Variants in RMND5A observed in about 807,000 individuals in gnomAD.
RMND5A encodes the protein required for meiotic nuclear division 5 homolog A.
Under a neutral mutation model 49.7 loss-of-function variants are expected in RMND5A, and 17 were observed. The observed-to-expected ratio is 0.34, with a 90% CI of 0.23 to 0.51. RMND5A has a LOEUF of 0.51. RMND5A is among the 20% of genes least tolerant of loss of function. The probability of loss-of-function intolerance (pLI) is 0.96; values close to 1 mark genes in which losing one functional copy is unlikely to be tolerated. For missense variants in RMND5A, 255 were observed against 471.3 expected (o/e 0.54, Z 4.25); for synonymous variants, 156 against 167.7 (o/e 0.93, Z 0.54).
chr2:86,750,020 G>A (rs1477930494), intron 2 of RMND5A, among the ~76,000 whole-genome samples: 1 of 152,168 alleles, frequency 6.6e-6, no homozygotes, highest in African/African-American at 2.4e-5. Context: ...CATATTGGTT[G>A]GACTGTATAT....
intron 4 of RMND5A, among the ~76,000 whole-genome samples, chr2:86,760,124 A>C (rs1295094523): frequency 6.6e-6 from 1 of 151,770 alleles, no homozygotes; most frequent in Admixed American, 6.6e-5. Flanking sequence ...GGCTCACCAC[A>C]ACCTCTGCCT....
chr2:86,720,970 C>G (rs376068346), intron 1 of RMND5A, 161 bp downstream of exon 1: 32 of 579,182 alleles, frequency 5.5e-5, no homozygotes, highest in Non-Finnish European at 7.3e-5. Context: ...TTCCCCTCTT[C>G]GTCCGATTTA....
chr2:86,762,893 A>G (rs1263872682), intron 4 of RMND5A, among the ~76,000 whole-genome samples: 1 of 151,620 alleles, frequency 6.6e-6, no homozygotes, highest in Non-Finnish European at 1.5e-5. Flanking sequence ...AATACAAAAC[A>G]GCTGGGTGCG....
rs1398944242 is a variant in RMND5A, at chr2:86,751,929, G to A, written c.319G>A (p.Asp107Asn). 6.2e-7 allele frequency: 1 copy of A among 1,613,550 alleles called. No individual in the cohort carries two copies. Among genetic ancestry groups the A allele is most frequent in the African/African-American group, 1.3e-5 (1 of 74,890 alleles). ...FDSDISSVGI[D>N]GCWQADSQRL... ...TTCTGACATTAGCAGTGTGGGAATA[G>A]ATGGCTGCTGGCAGGCAGACAGCCA... Residue 107 changes from aspartate (D) to asparagine (N), a missense_variant, in exon 3 of 9, where the codon GAT becomes AAT. By Grantham distance (23) the Asp-to-Asn change is conservative. Coordinates refer to ENST00000283632, the MANE Select transcript of RMND5A (RefSeq NM_022780.4).
chr2:86,758,160 GCAC>G (rs1681777982), intron 4 of RMND5A, among the ~76,000 whole-genome samples: 1 of 82,976 alleles, frequency 1.2e-5, no homozygotes, highest in African/African-American at 4.2e-5. Context: ...AAATCAAAAG[GCAC>G]AACAAGATAA....
chr2:86,760,740 T>C (rs775754024), intron 4 of RMND5A, among the ~76,000 whole-genome samples: 2 of 122,566 alleles, frequency 1.6e-5, no homozygotes, highest in Admixed American at 1.7e-4. Flanking sequence ...AGAAGTGAAA[T>C]TGAATGTGAT....
At position 86,773,490 on chromosome 2, in the gene RMND5A, A is replaced by T; in HGVS notation, c.*79A>T. On this transcript the variant is annotated 3_prime_UTR_variant, in exon 9 of 9. Transcript: ENST00000283632. ...CAGAAGAGAACGTTCCATATAATGC[A>T]GCTAACCAAGGACTCCTGTGTTTCT... 2 of 915,246 alleles carry T rather than the reference A, an allele frequency of 2.2e-6. No homozygotes were observed. Among genetic ancestry groups the T allele is most frequent in the Non-Finnish European group, 1.8e-6 (1 of 556,316 alleles). The allele number at this position is 915,246 out of a possible 1,614,324, so 56.7% of individuals were successfully genotyped here.
At chr2:86,758,607 T>G (rs986021013) in intron 4 of RMND5A, among the ~76,000 whole-genome samples, 1 of 151,972 alleles carries the variant, frequency 6.6e-6, no homozygotes, top group Admixed American at 6.6e-5. Context: ...TGTAAAAGGG[T>G]GTGTGTGTGT....
intron 1 of RMND5A, among the ~76,000 whole-genome samples, chr2:86,725,763 A>G (rs1207819049): frequency 1.3e-5 from 1 of 79,120 alleles, no homozygotes; most frequent in African/African-American, 4.7e-5. Flanking sequence ...AACGCATCAG[A>G]TATGTATTTC....
intron 4 of RMND5A, among the ~76,000 whole-genome samples, chr2:86,759,117 C>T (rs188668849): frequency 6.6e-6 from 1 of 152,134 alleles, no homozygotes; most frequent in African/African-American, 2.4e-5. Context: ...GAAATAGACA[C>T]CCACCCAGGC....
chr2:86,760,658 A>G (rs1217816318), intron 4 of RMND5A, among the ~76,000 whole-genome samples: 3 of 152,202 alleles, frequency 2.0e-5, no homozygotes. Flanking sequence ...TTTAACTCCC[A>G]GGGATAAACC....
chr2:86,721,133 C>G (rs575030140), intron 1 of RMND5A: 2 of 262,812 alleles, frequency 7.6e-6, no homozygotes, highest in East Asian at 9.5e-5. Flanking sequence ...GGGCGCCCCT[C>G]GTCCCCCGCT....
In RMND5A at chr2:86,776,416, G is replaced by A. The variant is rs2104416822; in HGVS notation, c.*3005G>A. The stretch of plus-strand genomic sequence containing the variant: ...AAAATAAGAAAGCTATGAAGTAAAT[G>A]TTAACTTCTCTGTAGCAGCTAATGC... On this transcript the variant is annotated 3_prime_UTR_variant, in exon 9 of 9. Transcript: ENST00000283632. 1 of 152,300 alleles carries A rather than the reference G, an allele frequency of 6.6e-6. No individual in the cohort carries two copies. Among genetic ancestry groups the A allele is most frequent in the South Asian group, 2.1e-4 (1 of 4,828 alleles). The allele number at this position is 152,300 out of a possible 1,614,324, so 9.4% of individuals were successfully genotyped here.
chr2:86,765,319 A>G (rs1672572068), intron 5 of RMND5A, 126 bp downstream of exon 5: 1 of 843,362 alleles, frequency 1.2e-6, no homozygotes, highest in Non-Finnish European at 1.8e-6. Context: ...AATCACTTAC[A>G]GGAAAAGTTC....
chr2:86,726,788 A>C (rs1681287523), intron 1 of RMND5A, among the ~76,000 whole-genome samples: 1 of 78,204 alleles, frequency 1.3e-5, no homozygotes, highest in African/African-American at 4.9e-5. Flanking sequence ...TTGATGTATA[A>C]ATAGGCTGAG....
At chr2:86,771,147 C>A (rs1462803831) in intron 7 of RMND5A, among the ~76,000 whole-genome samples, 1 of 152,202 alleles carries the variant, frequency 6.6e-6, no homozygotes, top group East Asian at 1.9e-4. Context: ...CTAACTTGAA[C>A]AAGTGAAAAG....
At chr2:86,735,067 TAGTATGTATC>T (rs1243638992) in intron 1 of RMND5A, among the ~76,000 whole-genome samples, 2 of 150,148 alleles carry the variant, frequency 1.3e-5, no homozygotes, top group African/African-American at 5.1e-5. Flanking sequence ...ATCTGTGTCA[TAGTATGTATC>T]AGTACCTCAT....
At chr2:86,753,994 A>T (rs964194903) in intron 4 of RMND5A, among the ~76,000 whole-genome samples, 1 of 152,216 alleles carries the variant, frequency 6.6e-6, no homozygotes, top group East Asian at 1.9e-4. Context: ...ATTTTTATAA[A>T]GCTACTCTAT....
At chr2:86,756,404 A>G (rs748841284) in intron 4 of RMND5A, among the ~76,000 whole-genome samples, 1 of 152,154 alleles carries the variant, frequency 6.6e-6, no homozygotes, top group Non-Finnish European at 1.5e-5. Flanking sequence ...AAATAGAAGT[A>G]AAAACGTACC....
Sources: gnomAD v4.1 joint callset for allele counts (sites outside exome capture counted in the v4.1 genomes callset) on GRCh38, gnomAD v4.1.1 for gene constraint, MANE v1.5 for transcripts, NCBI Gene and HGNC (gene_info 2026-07-23, HGNC 2026-07-21) for gene names.